ATP6V1E2: variants seen among roughly 807,000 people sequenced by gnomAD.
ATP6V1E2 encodes V-type proton ATPase subunit E 2.
For synonymous variants in ATP6V1E2, 121 were observed against 104.2 expected (o/e 1.16, Z -0.98); for missense variants, 308 against 273.3 (o/e 1.13, Z -0.90).
intron 1 of ATP6V1E2, 135 bp from the exon 2 acceptor site, chr2:46,541,588 C>T (rs1380503371): frequency 1.3e-5 from 2 of 152,278 alleles, no homozygotes. Context: ...TTCCCTACAA[C>T]CTAAGGGTGA....
Position 46,527,830 on chromosome 2 carries a change from T to G in ATP6V1E2, c.-102+7983A>C, listed in dbSNP as rs149352240. 2.2e-4 allele frequency: 34 copies of G among 152,372 alleles called. 1 individual carries two copies. Among genetic ancestry groups the G allele is most frequent in the African/African-American group, 7.5e-4 (31 of 41,584 alleles). The allele number at this position is 152,372 out of a possible 1,614,324, so 9.4% of individuals were successfully genotyped here. A position where few individuals can be genotyped will look rare whatever the true frequency, so the allele number is the denominator to read the frequency against. On this transcript the variant is annotated intron_variant, in intron 4 of 4. Coordinates refer to ENST00000522587, the MANE Select transcript of ATP6V1E2 (RefSeq NM_001318063.2). ...TTATTGGCCATTTGCTTATCTTCTTTGGAAACTGTCTACTCAAGTTCTTTG... is the reference window on the plus strand; with the variant it reads ...TTATTGGCCATTTGCTTATCTTCTTGGGAAACTGTCTACTCAAGTTCTTTG...
chr2:46,532,892 C>A (rs1667249002), intron 4 of ATP6V1E2, among the ~76,000 whole-genome samples: 2 of 152,094 alleles, frequency 1.3e-5, no homozygotes, highest in Admixed American at 6.5e-5. Flanking sequence ...AGACAACCTT[C>A]AGATAACACT....
Position 46,512,459 on chromosome 2 carries a change from T to C in ATP6V1E2, c.253A>G (p.Arg85Gly). 1 of 1,614,192 alleles carries C rather than the reference T, an allele frequency of 6.2e-7. No homozygotes were observed. The highest frequency in any genetic ancestry group is 8.5e-7 in the Non-Finnish European group (1 of 1,180,032). ...MRNQARLKVL[R>G]ARNDLISDLL... ...TCTGAGATGAGGTCATTTCGGGCTC[T>C]CAGGACTTTCAGCCTCGCCTGATTC... The change falls in exon 5 of 5, where the codon AGA becomes GGA. Residue 85 changes from arginine (R) to glycine (G), a missense_variant. Arg to Gly is a moderately radical substitution (Grantham distance 125). Transcript: ENST00000522587.
At chr2:46,513,213 C>A (rs73927870) in intron 4 of ATP6V1E2, among the ~76,000 whole-genome samples, 3 of 131,018 alleles carry the variant, frequency 2.3e-5, no homozygotes, top group Admixed American at 7.6e-5. Flanking sequence ...TTTAATCCAG[C>A]CAGGATTGAA....
In ATP6V1E2 at chr2:46,522,760, A is replaced by T. The variant is rs533690127; in HGVS notation, c.-101-9948T>A. ...TAATCTTTTGGGTATATACCCAGTA[A>T]TTGAATTGCTGGGTCAAATGCTATT... On this transcript the variant is annotated intron_variant, in intron 4 of 4. Transcript: ENST00000522587. 2.6e-5 allele frequency among the ~76,000 whole-genome samples: 4 copies of T among 152,322 alleles called. No homozygotes were observed. The South Asian group carries it at 6.2e-4, about 24-fold the overall frequency.
chr2:46,525,582 A>T (rs1666879762), intron 4 of ATP6V1E2, among the ~76,000 whole-genome samples: 1 of 151,990 alleles, frequency 6.6e-6, no homozygotes, highest in Admixed American at 6.6e-5. Context: ...GTAACAGGAG[A>T]CACCTGGAGA....
chr2:46,527,128 C>G (rs369440834), intron 4 of ATP6V1E2, among the ~76,000 whole-genome samples: 3 of 152,112 alleles, frequency 2.0e-5, no homozygotes, highest in African/African-American at 7.2e-5. Flanking sequence ...GATCATAGCT[C>G]ACTGCAGCCT....
chr2:46,513,787 T>C (rs1308382253), intron 4 of ATP6V1E2, among the ~76,000 whole-genome samples: 1 of 151,514 alleles, frequency 6.6e-6, no homozygotes, highest in Non-Finnish European at 1.5e-5. Context: ...ATCGCGCCAC[T>C]GTACTTGAGC....
rs145668576 is a variant in ATP6V1E2, at chr2:46,512,473, C to T, written c.239G>A (p.Arg80Lys). The T allele has an allele frequency of 2.5e-6, 4 of 1,614,084 alleles. No homozygotes were observed. The highest frequency in any genetic ancestry group is 3.4e-6 in the Non-Finnish European group (4 of 1,180,040). ...ATTTCGGGCTCTCAGGACTTTCAGCCTCGCCTGATTCCTCATGGTGGACAT... is the reference window on the plus strand; with the variant it reads ...ATTTCGGGCTCTCAGGACTTTCAGCTTCGCCTGATTCCTCATGGTGGACAT... ...ILMSTMRNQA[R>K]LKVLRARNDL... The change falls in exon 5 of 5, where the codon AGG becomes AAG. Residue 80 changes from arginine (R) to lysine (K), a missense_variant. By Grantham distance (26) the Arg-to-Lys change is conservative. Transcript: ENST00000522587.
At chr2:46,522,367 G>T (rs1343726620) in intron 4 of ATP6V1E2, among the ~76,000 whole-genome samples, 1 of 151,006 alleles carries the variant, frequency 6.6e-6, no homozygotes, top group Non-Finnish European at 1.5e-5. Flanking sequence ...TGCACTTATT[G>T]ACCCATCCTG....
intron 4 of ATP6V1E2, among the ~76,000 whole-genome samples, chr2:46,533,546 T>C (rs576701971): frequency 6.6e-6 from 1 of 152,312 alleles, no homozygotes; most frequent in African/African-American, 2.4e-5. Context: ...AGTTCTGGGA[T>C]TACAGGTGTG....
chr2:46,524,723 T>A lies in ATP6V1E2; in HGVS notation c.-102+11090A>T, dbSNP rs7597897. ...ACCGTCATCATAAGCAGAAAGAAAGTAAGACACTGGATGGGGAGAACACTG... is the reference window on the plus strand; with the variant it reads ...ACCGTCATCATAAGCAGAAAGAAAGAAAGACACTGGATGGGGAGAACACTG... On this transcript the variant is annotated intron_variant, in intron 4 of 4. Transcript: ENST00000522587. 7.4e-3 allele frequency among the ~76,000 whole-genome samples: 1,129 copies of A among 152,032 alleles called. 21 individuals carry two copies. The highest frequency in any genetic ancestry group is 0.026 in the African/African-American group (1,088 of 41,470).
chr2:46,539,380 G>C (rs559847313), intron 2 of ATP6V1E2, among the ~76,000 whole-genome samples: 12 of 152,358 alleles, frequency 7.9e-5, no homozygotes, highest in African/African-American at 2.9e-4. Flanking sequence ...CCTCTGAGTG[G>C]ATGCACCCCT....
chr2:46,541,761 T>A (rs185848156), intron 1 of ATP6V1E2: 2 of 152,296 alleles, frequency 1.3e-5, no homozygotes, highest in East Asian at 3.8e-4. Flanking sequence ...TGCTGCATTC[T>A]TGGCCAGTGA....
At chr2:46,541,074 A>T (rs1181443771) in intron 2 of ATP6V1E2, among the ~76,000 whole-genome samples, 1 of 152,138 alleles carries the variant, frequency 6.6e-6, no homozygotes, top group Non-Finnish European at 1.5e-5. Flanking sequence ...TCTCCTTTTC[A>T]AGCTCCTGGA....
In ATP6V1E2 at chr2:46,512,368, A is replaced by G; in HGVS notation, c.344T>C (p.Leu115Pro). Residue 115 changes from leucine (L) to proline (P), a missense_variant, in exon 5 of 5, where the codon CTG becomes CCG. Physicochemically the swap from Leu to Pro is moderately conservative, Grantham distance 98 (BLOSUM62 -3). Transcript: ENST00000522587. ...ACCCTGGAGCACCAGTTTATCCAGCAGCCCCTGGTAGACCTCTGGGTCCTC... is the reference window on the plus strand; with the variant it reads ...ACCCTGGAGCACCAGTTTATCCAGCGGCCCCTGGTAGACCTCTGGGTCCTC... ...IVEDPEVYQG[L>P]LDKLVLQGLL... 6.2e-7 allele frequency: 1 copy of G among 1,614,114 alleles called. No individual in the cohort carries two copies.
rs796659357 is a variant in ATP6V1E2, at chr2:46,538,159, C to G, written c.-309-1456G>C. ...TTCATGTTCACTGCCATGCTTGGGTCAGACTGTTGTGATCTGTCTCCTCCT... is the reference window on the plus strand; with the variant it reads ...TTCATGTTCACTGCCATGCTTGGGTGAGACTGTTGTGATCTGTCTCCTCCT... On this transcript the variant is annotated intron_variant, in intron 2 of 4. Transcript: ENST00000522587. Among the ~76,000 whole-genome samples, 11 of 152,280 alleles carry G rather than the reference C, an allele frequency of 7.2e-5. 1 individual carries two copies. Among genetic ancestry groups the G allele is most frequent in the African/African-American group, 2.4e-4 (10 of 41,554 alleles).
At chr2:46,527,423 A>G (rs866485503) in intron 4 of ATP6V1E2, among the ~76,000 whole-genome samples, 19 of 152,052 alleles carry the variant, frequency 1.2e-4, no homozygotes, top group Admixed American at 2.0e-4. Context: ...GGGTTTCACC[A>G]TGTTAGCCAG....
At chr2:46,516,885 A>G (rs1687734327) in intron 4 of ATP6V1E2, among the ~76,000 whole-genome samples, 4 of 152,232 alleles carry the variant, frequency 2.6e-5, no homozygotes, top group Admixed American at 6.5e-5. Flanking sequence ...AAGAACTAAT[A>G]TTGTTAAAAT....
Sources: gnomAD v4.1 joint callset for allele counts (sites outside exome capture counted in the v4.1 genomes callset) on GRCh38, gnomAD v4.1.1 for gene constraint, MANE v1.5 for transcripts, NCBI Gene and HGNC (gene_info 2026-07-23, HGNC 2026-07-21) for gene names.